The following TFB1M variants were observed in gnomAD, a reference collection of about 807,000 sequenced individuals.
TFB1M encodes transcription factor B1, mitochondrial.
A neutral mutation model predicts 31.1 loss-of-function variants in TFB1M; 27 were observed. The observed-to-expected ratio is 0.87, with a 90% CI of 0.64 to 1.20. The LOEUF is 1.20. Ranked by LOEUF, TFB1M falls within the 50% of genes most tolerant of loss-of-function variation. TFB1M has a pLI of 0.00. For missense variants in TFB1M, 394 were observed against 418.7 expected, an observed-to-expected ratio of 0.94 and a Z score of 0.51; for synonymous variants, 166 against 151.8, an observed-to-expected ratio of 1.09 and a Z score of -0.69.
the TFB1M span, chr6:155,250,929 T>C: frequency 1.4e-5 from 22 of 1,614,066 alleles, no homozygotes; most frequent in Admixed American, 1.7e-5. Context: ...GAACTTTCGA[T>C]GGGAGAGCTT....
chr6:155,250,664 A>G, the TFB1M span: 2 of 1,514,352 alleles, frequency 1.3e-6, no homozygotes, highest in East Asian at 2.5e-5. Flanking sequence ...GTCACAAGGC[A>G]TGTCTCACCT....
the TFB1M span, among the ~76,000 whole-genome samples, chr6:155,231,971 C>T: frequency 2.6e-5 from 4 of 152,148 alleles, no homozygotes; most frequent in Admixed American, 1.3e-4. Flanking sequence ...ATCCCAGCTA[C>T]GTGGGAGGCT....
At chr6:155,280,456 G>A (rs938997057) in intron 5 of TFB1M, among the ~76,000 whole-genome samples, 7 of 152,106 alleles carry the variant, frequency 4.6e-5, no homozygotes, top group African/African-American at 9.7e-5. Flanking sequence ...TTCTCCTCCC[G>A]CCGTGGTTCT....
chr6:155,306,482 C>T (rs950141131), intron 2 of TFB1M, among the ~76,000 whole-genome samples: 3 of 152,062 alleles, frequency 2.0e-5, no homozygotes, highest in Non-Finnish European at 2.9e-5. Flanking sequence ...CAAAGTCTAT[C>T]AACAGGTGAA....
chr6:155,285,182 T>C lies in TFB1M; in HGVS notation c.642A>G (p.Gly214=). 6.2e-7 allele frequency: 1 copy of C among 1,614,028 alleles called. No individual in the cohort carries two copies. The change falls in exon 5 of 7, where the codon GGA becomes GGG. Residue 214 remains glycine, a synonymous_variant. Transcript: ENST00000367166. ...CCTCTGGTTTGGGGACAAAAGCTTG[T>C]CCTGGAATCGTAAAGATGTGTCGAA... ...CNVRHIFTIP[G]QAFVPKPEVD...
chr6:155,298,385 T>G, intron 3 of TFB1M, 92 bp downstream of exon 3: 1 of 733,630 alleles, frequency 1.4e-6, no homozygotes, highest in South Asian at 1.5e-5. Flanking sequence ...TATAAACATA[T>G]AAGACATTTG....
chr6:155,278,143 C>G (rs1177709131), intron 5 of TFB1M, among the ~76,000 whole-genome samples: 1 of 152,070 alleles, frequency 6.6e-6, no homozygotes, highest in African/African-American at 2.4e-5. Flanking sequence ...ACAGGAATTC[C>G]TATCCCGCTG....
At chr6:155,236,984 C>G in the TFB1M span, among the ~76,000 whole-genome samples, 1 of 152,152 alleles carries the variant, frequency 6.6e-6, no homozygotes, top group African/African-American at 2.4e-5. Context: ...CCCAACAGTC[C>G]CCCAAAGTCT....
the TFB1M span, chr6:155,244,562 G>T: frequency 7.0e-7 from 1 of 1,430,402 alleles, no homozygotes; most frequent in Admixed American, 2.1e-5. Flanking sequence ...TTTCCGTGAA[G>T]AATTTCCTTG....
rs1213459856 is a variant in TFB1M at position 155,305,392 on chromosome 6, TTA to T, written c.285+5794_285+5795del. ...TATAAATATATATTAAATTGTATAT[TTA>T]TATATATAAATATATTATTAAATTA... On this transcript the variant is annotated intron_variant, in intron 2 of 6. Coordinates refer to ENST00000367166, the MANE Select transcript of TFB1M (RefSeq NM_016020.4). Among the ~76,000 whole-genome samples the T allele has an allele frequency of 2.0e-3, 59 of 29,284 alleles. 17 individuals are homozygous for T. Among genetic ancestry groups the T allele is most frequent in the African/African-American group, 7.8e-3 (50 of 6,406 alleles). The allele number at this position is 29,284 out of a possible 152,430, so 19.2% of individuals were successfully genotyped here. A position where few individuals can be genotyped will look rare whatever the true frequency, so the allele number is the denominator to read the frequency against.
At chr6:155,244,314 T>C in the TFB1M span, among the ~76,000 whole-genome samples, 1 of 152,210 alleles carries the variant, frequency 6.6e-6, no homozygotes, top group Non-Finnish European at 1.5e-5. Flanking sequence ...CTTTTTGAGG[T>C]AGAAGAGAGT....
the TFB1M span, chr6:155,240,851 G>A: frequency 1.2e-6 from 1 of 840,358 alleles, no homozygotes; most frequent in East Asian, 2.7e-5. Flanking sequence ...TCAGTGAATT[G>A]CTCAAGGAAG....
chr6:155,260,143 G>C (rs1352346119), intron 6 of TFB1M, 130 bp downstream of exon 6: 1 of 1,085,466 alleles, frequency 9.2e-7, no homozygotes, highest in East Asian at 2.5e-5. Flanking sequence ...GTGAAGTCTT[G>C]TCCGTCACAG....
the TFB1M span, among the ~76,000 whole-genome samples, chr6:155,246,503 A>G: frequency 2.6e-5 from 4 of 152,140 alleles, no homozygotes; most frequent in African/African-American, 9.7e-5. Flanking sequence ...TAATTTTAAA[A>G]ATGTAAAAAT....
intron 5 of TFB1M, among the ~76,000 whole-genome samples, chr6:155,271,044 A>G (rs1246261831): frequency 2.0e-5 from 3 of 152,252 alleles, no homozygotes; most frequent in Non-Finnish European, 2.9e-5. Flanking sequence ...GAGGAAAAAG[A>G]GTATCTTGCT....
chr6:155,230,785 A>AT, the TFB1M span, among the ~76,000 whole-genome samples: 87,576 of 151,438 alleles, frequency 0.58, 26,262 homozygotes, highest in East Asian at 0.96. Context: ...ATATTTATAT[A>AT]AGTAAATATA....
intron 5 of TFB1M, chr6:155,264,069 A>C: frequency 6.6e-6 from 1 of 152,250 alleles, no homozygotes; most frequent in South Asian, 2.1e-4. Context: ...CAGGAAGCAT[A>C]TGGCATCTTG....
chr6:155,248,423 C>T, the TFB1M span, among the ~76,000 whole-genome samples: 2 of 152,246 alleles, frequency 1.3e-5, no homozygotes, highest in South Asian at 4.1e-4. Flanking sequence ...TAGCGCCATA[C>T]TCCTCCTATG....
intron 5 of TFB1M, among the ~76,000 whole-genome samples, chr6:155,267,515 C>G (rs1784711833): frequency 6.6e-6 from 1 of 152,200 alleles, no homozygotes; most frequent in Non-Finnish European, 1.5e-5. Flanking sequence ...CTCATTGGCA[C>G]TAGAGAAGCT....
Sources: gnomAD v4.1 joint callset for allele counts (sites outside exome capture counted in the v4.1 genomes callset) on GRCh38, gnomAD v4.1.1 for gene constraint, MANE v1.5 for transcripts, NCBI Gene and HGNC (gene_info 2026-07-23, HGNC 2026-07-21) for gene names.